EPHB2: variants seen among roughly 807,000 people sequenced by gnomAD.
EPHB2 encodes the protein EPH receptor B2.
A neutral mutation model predicts 96.4 loss-of-function variants in EPHB2; 18 were observed. The observed-to-expected ratio is 0.19, with a 90% CI of 0.13 to 0.28. The LOEUF (loss-of-function observed/expected upper bound fraction) is 0.28. Ranked by LOEUF, EPHB2 falls within the 10% of genes least tolerant of loss-of-function variation. The pLI is 1.00. For synonymous variants in EPHB2, 506 were observed against 534.1 expected (o/e 0.95, Z 0.72); for missense variants, 989 against 1,355.4 (o/e 0.73, Z 4.25).
chr1:22,817,547 C>T (rs1420317198), intron 3 of EPHB2, among the ~76,000 whole-genome samples: 2 of 152,224 alleles, frequency 1.3e-5, no homozygotes, highest in Non-Finnish European at 2.9e-5. Context: ...GGCCTTGTCT[C>T]CAGCCCCCGG....
At chr1:22,720,630 G>A (rs2148337532) in intron 1 of EPHB2, among the ~76,000 whole-genome samples, 1 of 149,350 alleles carries the variant, frequency 6.7e-6, no homozygotes, top group East Asian at 2.0e-4. Context: ...GGATGGCGGT[G>A]GGGAGGCAAC....
intron 6 of EPHB2, among the ~76,000 whole-genome samples, chr1:22,884,997 A>C (rs1639177765): frequency 6.6e-6 from 1 of 152,198 alleles, no homozygotes. Context: ...CGCCTGGCAC[A>C]CAGTAGGTAC....
rs115632587 is a variant in EPHB2 at position 22,763,889 on chromosome 1, G to A, written c.62-17532G>A. On this transcript the variant is annotated intron_variant, in intron 1 of 15. Transcript: ENST00000374630. ...TTCTAGAGGCTACCTGCATCCCAGA[G>A]CTTGTGGCTCCTTCATCCCCAAAGT... Among the ~76,000 whole-genome samples the A allele has an allele frequency of 5.5e-3, 839 of 152,198 alleles. 9 individuals are homozygous for A. Among genetic ancestry groups the A allele is most frequent in the African/African-American group, 0.019 (781 of 41,506 alleles).
chr1:22,900,224 G>A (rs933248672), intron 9 of EPHB2, among the ~76,000 whole-genome samples: 43 of 152,056 alleles, frequency 2.8e-4, no homozygotes, highest in African/African-American at 1.0e-3. Context: ...AACCTGGGAG[G>A]CGAAGGTTGC....
rs745586774 is a variant in EPHB2 at position 22,913,485 on chromosome 1, C to G, written c.2876C>G (p.Thr959Ser). Residue 959 changes from threonine to serine, a missense_variant, in exon 16 of 16, where the codon ACT becomes AGT. Physicochemically the swap from Thr to Ser is moderately conservative, Grantham distance 58. Coordinates refer to ENST00000374630, the MANE Select transcript of EPHB2 (RefSeq NM_017449.5). The surrounding 1 kb of genome is among the most constrained non-coding windows in gnomAD (Gnocchi z 4.1). ...MMEDILRVGV[T>S]LAGHQKKILN... ...AGGGACATTCTCCGGGTTGGGGTCA[C>G]TTTGGCTGGCCACCAGAAAAAAATC... The G allele has an allele frequency of 6.2e-7, 1 of 1,614,060 alleles. No individual in the cohort carries two copies. The highest frequency in any genetic ancestry group is 1.3e-5 in the African/African-American group (1 of 74,922).
intron 3 of EPHB2, among the ~76,000 whole-genome samples, chr1:22,842,355 C>T (rs983843542): frequency 2.6e-5 from 4 of 152,292 alleles, no homozygotes; most frequent in Admixed American, 1.3e-4. Context: ...GTCACTACCT[C>T]GCATTCGCGT....
chr1:22,731,227 C>T (rs1643702730), intron 1 of EPHB2, among the ~76,000 whole-genome samples: 9 of 152,202 alleles, frequency 5.9e-5, no homozygotes, highest in Admixed American at 5.2e-4. Flanking sequence ...CTAGATCATT[C>T]TGGCGGGGGG....
Position 22,801,647 on chromosome 1 carries a change from A to T in EPHB2, c.811+16571A>T, listed in dbSNP as rs150998500. On this transcript the variant is annotated intron_variant, in intron 3 of 15. Coordinates refer to ENST00000374630, the MANE Select transcript of EPHB2 (RefSeq NM_017449.5). Reference sequence around the variant, plus strand: ...GGATGGCCTACAGGCCCAAGGCACCATGTGGGCAGAGGTGCAGCATAGGGA... The same window carrying T: ...GGATGGCCTACAGGCCCAAGGCACCTTGTGGGCAGAGGTGCAGCATAGGGA... Among the ~76,000 whole-genome samples the T allele has an allele frequency of 2.0e-3, 298 of 152,272 alleles. 4 individuals are homozygous for T. The East Asian group carries it at 0.042, about 22-fold the overall frequency.
At chr1:22,881,274 T>C (rs901288845) in intron 5 of EPHB2, among the ~76,000 whole-genome samples, 3 of 152,128 alleles carry the variant, frequency 2.0e-5, no homozygotes, top group Non-Finnish European at 4.4e-5. Context: ...GGTGCACACC[T>C]GTAATCCCAG....
chr1:22,732,519 A>G (rs1007478932), intron 1 of EPHB2, among the ~76,000 whole-genome samples: 1 of 152,220 alleles, frequency 6.6e-6, no homozygotes, highest in Non-Finnish European at 1.5e-5. Context: ...ACCTCATTTC[A>G]TTCCACACCC....
intron 9 of EPHB2, among the ~76,000 whole-genome samples, chr1:22,903,846 A>C (rs1415508387): frequency 1.3e-5 from 2 of 152,186 alleles, no homozygotes; most frequent in Admixed American, 6.5e-5. Flanking sequence ...TCAGAAAAAA[A>C]ACATGTGTCC....
At chr1:22,894,512 G>A (rs1411940319) in intron 7 of EPHB2, among the ~76,000 whole-genome samples, 11 of 151,378 alleles carry the variant, frequency 7.3e-5, no homozygotes, top group South Asian at 2.1e-4. Flanking sequence ...CAGGAGAATC[G>A]CTTGAACCCG....
intron 1 of EPHB2, among the ~76,000 whole-genome samples, chr1:22,747,536 G>T (rs1328978158): frequency 3.3e-5 from 5 of 152,204 alleles, no homozygotes; most frequent in Non-Finnish European, 5.9e-5. Context: ...ACAGCCACAG[G>T]CAAGGGAGGG....
intron 3 of EPHB2, among the ~76,000 whole-genome samples, chr1:22,814,529 T>A (rs1428176152): frequency 1.3e-5 from 2 of 152,332 alleles, no homozygotes; most frequent in East Asian, 3.9e-4. Context: ...TACCACGCTC[T>A]GCCCTTTCCA....
chr1:22,836,240 G>A (rs1207505181), intron 3 of EPHB2, among the ~76,000 whole-genome samples: 1 of 152,218 alleles, frequency 6.6e-6, no homozygotes, highest in African/African-American at 2.4e-5. Context: ...AGCTCGGCTT[G>A]CACCAGGGTG....
At chr1:22,765,125 C>G (rs1181436661) in intron 1 of EPHB2, among the ~76,000 whole-genome samples, 1 of 152,120 alleles carries the variant, frequency 6.6e-6, no homozygotes, top group African/African-American at 2.4e-5. Flanking sequence ...TTCTGGGAAC[C>G]AATTCTGGCC....
At chr1:22,823,317 A>T (rs1557696229) in intron 3 of EPHB2, among the ~76,000 whole-genome samples, 1 of 151,718 alleles carries the variant, frequency 6.6e-6, no homozygotes, top group Non-Finnish European at 1.5e-5. Flanking sequence ...GCCTTCGCTG[A>T]CTCCTCTTCA....
At chr1:22,774,750 C>G (rs1247329241) in intron 1 of EPHB2, 6 of 335,298 alleles carry the variant, frequency 1.8e-5, no homozygotes, top group Non-Finnish European at 2.5e-5. Context: ...ACTTTAGGAA[C>G]ATCACCCAGC....
chr1:22,903,055 G>A (rs1222755056), intron 9 of EPHB2, among the ~76,000 whole-genome samples: 2 of 152,240 alleles, frequency 1.3e-5, no homozygotes, highest in Non-Finnish European at 2.9e-5. Flanking sequence ...TAGGGAGCAG[G>A]GAGCTGGAAG....
Sources: allele counts gnomAD v4.1 joint callset (sites outside exome capture counted in the v4.1 genomes callset), GRCh38; gene constraint gnomAD v4.1.1; non-coding constraint Gnocchi (gnomAD v3.1); transcripts MANE v1.5; gene names NCBI Gene and HGNC (gene_info 2026-07-23, HGNC 2026-07-21).